The following ZNF420 variants were observed in gnomAD, a reference collection of about 807,000 sequenced individuals.
ZNF420 encodes zinc finger protein 420.
In ZNF420, 31 loss-of-function variants were observed where a neutral mutation model predicts 44.7. The observed-to-expected ratio is 0.69, with a 90% CI of 0.52 to 0.94. The LOEUF is 0.94. ZNF420 is among the 40% of genes least tolerant of loss of function. ZNF420 has a pLI of 0.00. For missense variants in ZNF420, 681 were observed against 827.9 expected (o/e 0.82, Z 2.18); for synonymous variants, 245 against 267.4 (o/e 0.92, Z 0.82).
intron 1 of ZNF420, among the ~76,000 whole-genome samples, chr19:37,064,714 A>G (rs1176960492): frequency 6.6e-6 from 1 of 152,208 alleles, no homozygotes; most frequent in Admixed American, 6.5e-5. Flanking sequence ...GCTACAGTGC[A>G]GTGCTTTAGG....
At chr19:37,039,960 G>A (rs547476227) in intron 1 of ZNF420, among the ~76,000 whole-genome samples, 1 of 152,212 alleles carries the variant, frequency 6.6e-6, no homozygotes, top group South Asian at 2.1e-4. Flanking sequence ...AAACTTCTAA[G>A]CTCAAGCAAT....
At chr19:37,118,123 C>T (rs534393909) in intron 4 of ZNF420, among the ~76,000 whole-genome samples, 79 of 152,222 alleles carry the variant, frequency 5.2e-4, no homozygotes, top group African/African-American at 1.2e-3. Context: ...ATACAGAGAA[C>T]GCCACAAAGA....
At chr19:37,060,636 C>G (rs1485714335) in intron 1 of ZNF420, among the ~76,000 whole-genome samples, 1 of 151,946 alleles carries the variant, frequency 6.6e-6, no homozygotes, top group Non-Finnish European at 1.5e-5. Flanking sequence ...GTTTGATGAT[C>G]CTGGAGCTCT....
intron 1 of ZNF420, among the ~76,000 whole-genome samples, chr19:37,079,998 A>G (rs1457059891): frequency 1.3e-5 from 2 of 152,110 alleles, no homozygotes; most frequent in Non-Finnish European, 2.9e-5. Flanking sequence ...CATTCTCTAA[A>G]TAAATAAATA....
chr19:37,110,585 CTGATCATCCA>C (rs1264003629), intron 4 of ZNF420, among the ~76,000 whole-genome samples: 5 of 152,156 alleles, frequency 3.3e-5, no homozygotes, highest in Non-Finnish European at 1.5e-5. Flanking sequence ...GCTGGTTTAA[CTGATCATCCA>C]TGCTATATTT....
chr19:37,101,800 G>A (rs1172020742), intron 4 of ZNF420, among the ~76,000 whole-genome samples: 1 of 152,238 alleles, frequency 6.6e-6, no homozygotes, highest in Non-Finnish European at 1.5e-5. Context: ...TGGTGGCCCA[G>A]ATGGGTGTGC....
chr19:37,052,459 A>G (rs1011071139), intron 1 of ZNF420, among the ~76,000 whole-genome samples: 5 of 152,068 alleles, frequency 3.3e-5, no homozygotes, highest in South Asian at 2.1e-4. Flanking sequence ...CCTAGCCTCA[A>G]TGGTCTTTAC....
At chr19:37,024,425 A>C (rs925839502) in intron 1 of ZNF420, among the ~76,000 whole-genome samples, 1 of 152,024 alleles carries the variant, frequency 6.6e-6, no homozygotes, top group Non-Finnish European at 1.5e-5. Flanking sequence ...CATCTCAGAC[A>C]TTTTGGGTTC....
chr19:37,051,036 T>C (rs1481645794), intron 1 of ZNF420, among the ~76,000 whole-genome samples: 2 of 152,226 alleles, frequency 1.3e-5, no homozygotes, highest in East Asian at 3.8e-4. Flanking sequence ...TTGATTTGCA[T>C]ATGTTGAACC....
At chr19:37,069,703 A>G (rs1235885173) in intron 1 of ZNF420, among the ~76,000 whole-genome samples, 1 of 152,136 alleles carries the variant, frequency 6.6e-6, no homozygotes, top group Non-Finnish European at 1.5e-5. Context: ...TACTGAATCC[A>G]TATGGCTTTT....
intron 1 of ZNF420, among the ~76,000 whole-genome samples, chr19:37,021,544 G>C (rs959058432): frequency 1.3e-5 from 2 of 152,086 alleles, no homozygotes; most frequent in Non-Finnish European, 2.9e-5. Flanking sequence ...TTTGATTATA[G>C]GCATGAACCA....
At chr19:37,050,455 G>A (rs1967618590) in intron 1 of ZNF420, among the ~76,000 whole-genome samples, 1 of 152,132 alleles carries the variant, frequency 6.6e-6, no homozygotes. Context: ...TGGATCCCTA[G>A]ATATTTTATT....
Position 37,029,039 on chromosome 19 carries a change from T to G in ZNF420, c.-125+20957T>G, listed in dbSNP as rs142148352. Among the ~76,000 whole-genome samples the G allele has an allele frequency of 7.5e-4, 114 of 152,320 alleles. 2 individuals are homozygous for G. The East Asian group carries it at 0.021, about 28-fold the overall frequency. On this transcript the variant is annotated intron_variant, in intron 1 of 4. Coordinates refer to the ZNF420 transcript ENST00000587029. Reference sequence around the variant, plus strand: ...CCTATAATTATTGCTCACCAGAAATTGATTATCGATGCAGCAACCTTTTAC... The same window carrying G: ...CCTATAATTATTGCTCACCAGAAATGGATTATCGATGCAGCAACCTTTTAC...
chr19:37,063,785 A>C (rs1967920401), intron 1 of ZNF420, among the ~76,000 whole-genome samples: 1 of 152,344 alleles, frequency 6.6e-6, no homozygotes, highest in South Asian at 2.1e-4. Context: ...TCCAATTACC[A>C]AAATAAAGAA....
rs1268562200 is a variant in ZNF420, at chr19:37,129,163, G to A, written c.*105G>A. ...GCGCACATTTGCCTCATAAAGCACA[G>A]CATCAGATAATTTATGTGAGAGAAA... On this transcript the variant is annotated 3_prime_UTR_variant, in exon 5 of 5. Transcript: ENST00000337995. The A allele has an allele frequency of 4.4e-6, 6 of 1,358,812 alleles. No homozygotes were observed. The highest frequency in any genetic ancestry group is 2.9e-5 in the African/African-American group (2 of 68,738). The allele number at this position is 1,358,812 out of a possible 1,614,324, so 84.2% of individuals were successfully genotyped here. A position where few individuals can be genotyped will look rare whatever the true frequency, so the allele number is the denominator to read the frequency against.
chr19:37,064,825 G>A (rs1967938121), intron 1 of ZNF420, among the ~76,000 whole-genome samples: 1 of 152,182 alleles, frequency 6.6e-6, no homozygotes, highest in South Asian at 2.1e-4. Flanking sequence ...AATCTTTCCT[G>A]TTGGGGTGAT....
chr19:37,082,443 G>A (rs568020563), intron 2 of ZNF420, among the ~76,000 whole-genome samples: 1 of 152,274 alleles, frequency 6.6e-6, no homozygotes, highest in South Asian at 2.1e-4. Flanking sequence ...GGGATTACAG[G>A]TGTGAACAAC....
intron 1 of ZNF420, among the ~76,000 whole-genome samples, chr19:37,009,272 G>C (rs924221254): frequency 6.6e-6 from 1 of 152,158 alleles, no homozygotes; most frequent in Non-Finnish European, 1.5e-5. Context: ...GCGGTGGAGG[G>C]ATGGAGGTGG....
chr19:37,084,610 T>TA (rs1968655737), intron 2 of ZNF420, among the ~76,000 whole-genome samples: 1 of 152,192 alleles, frequency 6.6e-6, no homozygotes, highest in African/African-American at 2.4e-5. Flanking sequence ...CAGTATTATA[T>TA]CTGCCTTAAA....
Sources: gnomAD v4.1 joint callset for allele counts (sites outside exome capture counted in the v4.1 genomes callset) on GRCh38, gnomAD v4.1.1 for gene constraint, MANE v1.5 for transcripts, NCBI Gene and HGNC (gene_info 2026-07-23, HGNC 2026-07-21) for gene names.